Variants in MAGI1 observed in about 807,000 individuals in gnomAD.
MAGI1 encodes membrane associated guanylate kinase, WW and PDZ domain containing 1.
Under a neutral mutation model 139.9 loss-of-function variants are expected in MAGI1, and 58 were observed. The ratio of observed to expected loss-of-function variants is 0.41; its 90% CI spans 0.34 to 0.52. The LOEUF is 0.52. MAGI1 is among the 20% of genes least tolerant of loss of function. The pLI is 0.12. For missense variants in MAGI1, 1,874 were observed against 1,901.6 expected, an observed-to-expected ratio of 0.99 and a Z score of 0.27; for synonymous variants, 812 against 737.9, an observed-to-expected ratio of 1.10 and a Z score of -1.63.
At chr3:65,360,354 T>C (rs553386816) in intron 22 of MAGI1, 139 of 865,328 alleles carry the variant, frequency 1.6e-4, no homozygotes, top group South Asian at 5.8e-4. Flanking sequence ...GCTTCTTCTT[T>C]TTTTTTTTTT....
chr3:65,759,426 G>A (rs2036833200), intron 1 of MAGI1, among the ~76,000 whole-genome samples: 1 of 152,192 alleles, frequency 6.6e-6, no homozygotes, highest in Non-Finnish European at 1.5e-5. Context: ...AGAAAAGGCA[G>A]CTGCTCTTGT....
intron 1 of MAGI1, among the ~76,000 whole-genome samples, chr3:65,623,225 T>A (rs2083778855): frequency 6.6e-6 from 1 of 151,942 alleles, no homozygotes; most frequent in South Asian, 2.1e-4. Context: ...GTGTTGCTTT[T>A]CAAACACTAA....
At chr3:66,007,051 G>C (rs900089549) in intron 1 of MAGI1, among the ~76,000 whole-genome samples, 1 of 151,802 alleles carries the variant, frequency 6.6e-6, no homozygotes, top group Non-Finnish European at 1.5e-5. Flanking sequence ...TCGTTGCCTA[G>C]GCTGGTCTCA....
At chr3:65,478,936 G>A in intron 3 of MAGI1, 138 bp from the exon 4 acceptor site, 3 of 668,034 alleles carry the variant, frequency 4.5e-6, no homozygotes, top group East Asian at 5.4e-5. Context: ...TTTTATTTCT[G>A]GAGTGGGTTA....
At chr3:65,927,562 T>C (rs910939608) in intron 1 of MAGI1, among the ~76,000 whole-genome samples, 1 of 152,238 alleles carries the variant, frequency 6.6e-6, no homozygotes, top group African/African-American at 2.4e-5. Context: ...TGCAGATTTA[T>C]TTGCCAAGAA....
intron 1 of MAGI1, among the ~76,000 whole-genome samples, chr3:65,934,533 C>T (rs890294547): frequency 6.6e-6 from 1 of 152,172 alleles, no homozygotes; most frequent in Non-Finnish European, 1.5e-5. Context: ...TTTTTCCAAA[C>T]ATTCATTTGA....
chr3:65,441,859 T>G (rs1216482670), intron 8 of MAGI1, among the ~76,000 whole-genome samples: 1 of 152,206 alleles, frequency 6.6e-6, no homozygotes, highest in Non-Finnish European at 1.5e-5. Flanking sequence ...GGCATCTATT[T>G]TATGGCCTGG....
intron 1 of MAGI1, among the ~76,000 whole-genome samples, chr3:65,786,251 C>CTTTTT (rs3077812): frequency 6.1e-5 from 7 of 114,828 alleles, no homozygotes; most frequent in South Asian, 2.9e-4. Flanking sequence ...CCAATCATAA[C>CTTTTT]TTTTTTTTTT....
intron 22 of MAGI1, chr3:65,360,326 C>A (rs1940692418): frequency 1.0e-6 from 1 of 982,824 alleles, no homozygotes; most frequent in Non-Finnish European, 1.2e-6. Context: ...GGAAAAAAAG[C>A]CCTACATCTA....
At chr3:65,818,648 C>T (rs67156156) in intron 1 of MAGI1, among the ~76,000 whole-genome samples, 10,510 of 152,150 alleles carry the variant, frequency 0.069, 553 homozygotes, top group South Asian at 0.22. Context: ...CGTTTAATAA[C>T]TCAAGGGGAA....
rs1272938919 is a variant in MAGI1, at chr3:66,000,046, C to T, written c.313+37950G>A. On this transcript the variant is annotated intron_variant, in intron 1 of 22. Transcript: ENST00000402939. ...GGAGTGCAGTGGCGCGAACTAGGCT[C>T]ATTGCAAGCTCCACCTCCCGGGTCC... 5.5e-5 allele frequency among the ~76,000 whole-genome samples: 8 copies of T among 146,334 alleles called. 1 individual carries two copies. Among genetic ancestry groups the T allele is most frequent in the Non-Finnish European group, 1.2e-4 (8 of 67,452 alleles).
intron 16 of MAGI1, among the ~76,000 whole-genome samples, chr3:65,381,312 C>T (rs903635240): frequency 1.3e-5 from 2 of 151,890 alleles, no homozygotes; most frequent in African/African-American, 4.8e-5. Flanking sequence ...TTGAGCTGAG[C>T]CTGAAAGGAT....
chr3:65,756,999 C>A (rs2036614430), intron 1 of MAGI1, among the ~76,000 whole-genome samples: 1 of 152,156 alleles, frequency 6.6e-6, no homozygotes, highest in African/African-American at 2.4e-5. Flanking sequence ...TAATTCTTTT[C>A]AGACACTTAA....
In MAGI1 at chr3:65,363,682, A is replaced by G. The variant is rs1367279311; in HGVS notation, c.3352-74T>C. On this transcript the variant is annotated intron_variant, in intron 20 of 22. Coordinates refer to ENST00000402939, the MANE Select transcript of MAGI1 (RefSeq NM_001033057.2). ...AGGACTCTTCCTAAACATTCTTGGC[A>G]AAAAGGCACAATCTCTATCCCCCTC... The G allele has an allele frequency of 4.7e-6, 6 of 1,289,278 alleles. No individual in the cohort carries two copies. In the African/African-American group the frequency reaches 8.9e-5, roughly 19 times the overall value. 79.9% of individuals were successfully genotyped at this position (1,289,278 alleles called of 1,614,324 possible).
At chr3:65,430,609 G>C (rs1947385332) in intron 11 of MAGI1, 90 bp downstream of exon 11, 3 of 1,416,156 alleles carry the variant, frequency 2.1e-6, no homozygotes, top group Non-Finnish European at 2.9e-6. Context: ...GCTTGGTCTT[G>C]CTCAAACAAA....
rs566401578 is a variant in MAGI1 at position 65,815,399 on chromosome 3, G to C, written c.314-193311C>G. On this transcript the variant is annotated intron_variant, in intron 1 of 22. Transcript: ENST00000402939. ...TCAAGGATCTAACCAAGAAAGCAGAGCAAGCAACTTCTGGTAGATAAGAGC... is the reference window on the plus strand; with the variant it reads ...TCAAGGATCTAACCAAGAAAGCAGACCAAGCAACTTCTGGTAGATAAGAGC... Among the ~76,000 whole-genome samples, 3 of 152,270 alleles carry C rather than the reference G, an allele frequency of 2.0e-5. No homozygotes were observed. The East Asian group carries it at 5.8e-4, about 29-fold the overall frequency.
At chr3:65,692,493 T>C (rs2088767660) in intron 1 of MAGI1, among the ~76,000 whole-genome samples, 1 of 152,182 alleles carries the variant, frequency 6.6e-6, no homozygotes, top group African/African-American at 2.4e-5. Flanking sequence ...TGACTTACCC[T>C]ACATAGACTT....
intron 1 of MAGI1, among the ~76,000 whole-genome samples, chr3:66,028,723 G>A (rs1007221431): frequency 6.6e-6 from 1 of 152,136 alleles, no homozygotes; most frequent in Non-Finnish European, 1.5e-5. Flanking sequence ...AGGACAATGT[G>A]GGAGAAACTC....
intron 4 of MAGI1, among the ~76,000 whole-genome samples, chr3:65,475,827 T>C (rs1430187576): frequency 1.3e-5 from 2 of 151,986 alleles, no homozygotes; most frequent in Non-Finnish European, 1.5e-5. Flanking sequence ...GGCTCCTTGA[T>C]CTTTTGTCTG....
Sources: gnomAD v4.1 joint callset for allele counts (sites outside exome capture counted in the v4.1 genomes callset) on GRCh38, gnomAD v4.1.1 for gene constraint, MANE v1.5 for transcripts, NCBI Gene and HGNC (gene_info 2026-07-23, HGNC 2026-07-21) for gene names.